Variants in NEO1 observed in about 807,000 individuals in gnomAD.
NEO1 encodes the protein neogenin.
In NEO1, 63 loss-of-function variants were observed where a neutral mutation model predicts 159.7. The observed-to-expected ratio is 0.39, with a 90% CI of 0.32 to 0.49. NEO1 has a LOEUF of 0.49. Among genes scored for constraint, NEO1 ranks in the 20% least tolerant of loss-of-function variants. NEO1 has a pLI of 0.85. For synonymous variants in NEO1, 633 were observed against 662.0 expected (o/e 0.96, Z 0.67); for missense variants, 1,615 against 1,831.0 (o/e 0.88, Z 2.15).
At chr15:73,133,725 A>G (rs1320218717) in intron 4 of NEO1, among the ~76,000 whole-genome samples, 2 of 151,982 alleles carry the variant, frequency 1.3e-5, no homozygotes, top group East Asian at 1.9e-4. Flanking sequence ...CTTTGCCTGC[A>G]TCTTTGAATT....
At chr15:73,246,398 C>G (rs1567591026) in intron 9 of NEO1, among the ~76,000 whole-genome samples, 1 of 152,118 alleles carries the variant, frequency 6.6e-6, no homozygotes, top group Non-Finnish European at 1.5e-5. Context: ...TTACAGTTAC[C>G]TATGTTCAGA....
intron 7 of NEO1, among the ~76,000 whole-genome samples, chr15:73,179,394 T>C (rs2035470946): frequency 6.6e-6 from 1 of 152,162 alleles, no homozygotes; most frequent in Admixed American, 6.5e-5. Flanking sequence ...TGTGGTGTTT[T>C]GCTCTCTAAA....
At chr15:73,076,211 G>A (rs2068760031) in intron 1 of NEO1, among the ~76,000 whole-genome samples, 1 of 152,126 alleles carries the variant, frequency 6.6e-6, no homozygotes, top group East Asian at 1.9e-4. Flanking sequence ...CAGCCACGAT[G>A]AATATTTTCA....
chr15:73,154,208 T>C (rs948092776), intron 5 of NEO1, among the ~76,000 whole-genome samples: 1 of 151,614 alleles, frequency 6.6e-6, no homozygotes, highest in Non-Finnish European at 1.5e-5. Flanking sequence ...CTAGTATTCT[T>C]TAAAAAAAAA....
chr15:73,264,013 T>A (rs1320886448), intron 15 of NEO1, among the ~76,000 whole-genome samples: 1 of 152,010 alleles, frequency 6.6e-6, no homozygotes, highest in Non-Finnish European at 1.5e-5. Flanking sequence ...TATTGCGACC[T>A]CATCTCTACA....
chr15:73,172,812 T>C (rs953499097), intron 5 of NEO1, among the ~76,000 whole-genome samples: 1 of 152,130 alleles, frequency 6.6e-6, no homozygotes, highest in African/African-American at 2.4e-5. Flanking sequence ...AAACAGTGGA[T>C]TGGTTAACAT....
intron 10 of NEO1, 78 bp downstream of exon 10, chr15:73,249,286 T>G (rs1596475209): frequency 6.1e-6 from 9 of 1,464,994 alleles, no homozygotes; most frequent in Non-Finnish European, 7.5e-6. Context: ...CAGTAGTTGC[T>G]TGACTGGAAA....
At chr15:73,151,787 G>A (rs962429018) in intron 5 of NEO1, among the ~76,000 whole-genome samples, 1 of 152,186 alleles carries the variant, frequency 6.6e-6, no homozygotes, top group Non-Finnish European at 1.5e-5. Flanking sequence ...AGATTTGGGT[G>A]GGGACACAGC....
chr15:73,087,112 C>T (rs1177194528), intron 1 of NEO1, among the ~76,000 whole-genome samples: 3 of 152,122 alleles, frequency 2.0e-5, no homozygotes, highest in Admixed American at 1.3e-4. Flanking sequence ...TGTCTTTTAC[C>T]ATTAAGTATG....
intron 7 of NEO1, among the ~76,000 whole-genome samples, chr15:73,179,928 C>G (rs2035505115): frequency 6.6e-6 from 1 of 151,602 alleles, no homozygotes; most frequent in Non-Finnish European, 1.5e-5. Context: ...TAGATTGTCA[C>G]CTGTTTTTTC....
intron 1 of NEO1, among the ~76,000 whole-genome samples, chr15:73,105,382 T>C (rs2070635139): frequency 1.3e-5 from 2 of 152,202 alleles, no homozygotes; most frequent in African/African-American, 4.8e-5. Context: ...TGTAATTGCT[T>C]AGACAACAAC....
intron 22 of NEO1, among the ~76,000 whole-genome samples, chr15:73,279,439 C>T (rs2041588699): frequency 6.6e-6 from 1 of 150,616 alleles, no homozygotes; most frequent in Non-Finnish European, 1.5e-5. Context: ...GCCTCCACCT[C>T]CCGGGTTCAA....
intron 9 of NEO1, among the ~76,000 whole-genome samples, chr15:73,244,954 CAAAAAAA>C (rs57566986): frequency 3.0e-3 from 50 of 16,520 alleles, no homozygotes; most frequent in Middle Eastern, 0.083. Context: ...GACTCTGTCT[CAAAAAAA>C]AAAAAAAAAA....
intron 7 of NEO1, among the ~76,000 whole-genome samples, chr15:73,214,808 C>T (rs968177534): frequency 4.0e-5 from 6 of 151,852 alleles, no homozygotes; most frequent in Admixed American, 1.3e-4. Flanking sequence ...TTTCTAATTT[C>T]GTAAAGAATG....
intron 22 of NEO1, 75 bp from the exon 23 acceptor site, chr15:73,282,889 A>G: frequency 2.0e-6 from 3 of 1,518,868 alleles, no homozygotes; most frequent in South Asian, 1.2e-5. Context: ...TGAGATATTA[A>G]TGGTTCTGTA....
At chr15:73,204,340 T>A (rs1250415107) in intron 7 of NEO1, among the ~76,000 whole-genome samples, 1 of 152,166 alleles carries the variant, frequency 6.6e-6, no homozygotes, top group African/African-American at 2.4e-5. Flanking sequence ...CCTCTCAGCT[T>A]CTTGGATCTG....
intron 1 of NEO1, among the ~76,000 whole-genome samples, chr15:73,078,539 C>T (rs757611268): frequency 2.6e-5 from 4 of 152,152 alleles, no homozygotes; most frequent in Non-Finnish European, 5.9e-5. Context: ...TGTTTCCTAC[C>T]GTCCTGCTAA....
intron 15 of NEO1, among the ~76,000 whole-genome samples, chr15:73,260,761 C>T (rs988900334): frequency 1.3e-5 from 2 of 152,234 alleles, no homozygotes; most frequent in East Asian, 1.9e-4. Flanking sequence ...TCAGGAGGCA[C>T]ATTACAGCCT....
In NEO1 at chr15:73,165,093, A is replaced by ATT. The variant is rs67749428; in HGVS notation, c.1016-11291_1016-11290dup. On this transcript the variant is annotated intron_variant, in intron 5 of 28. Transcript: ENST00000261908. ...TAGGCATGTTCCACATGCCTGGCCA[A>ATT]TTTTTTTTTTTTTTTTTTTTGTAGA... is the stretch of plus-strand genomic sequence containing the variant. 4.3e-3 allele frequency among the ~76,000 whole-genome samples: 561 copies of ATT among 129,100 alleles called. 5 individuals carry two copies. Among genetic ancestry groups the ATT allele is most frequent in the Admixed American group, 8.4e-3 (103 of 12,264 alleles). 84.7% of individuals were successfully genotyped at this position (129,100 alleles called of 152,430 possible). A position where few individuals can be genotyped will look rare whatever the true frequency, so the allele number is the denominator to read the frequency against.
Sources: gnomAD v4.1 joint callset for allele counts (sites outside exome capture counted in the v4.1 genomes callset) on GRCh38, gnomAD v4.1.1 for gene constraint, MANE v1.5 for transcripts, NCBI Gene and HGNC (gene_info 2026-07-23, HGNC 2026-07-21) for gene names.